The following CYB561D2 variants were observed in gnomAD, a reference collection of about 807,000 sequenced individuals.
CYB561D2 encodes transmembrane reductase CYB561D2.
A neutral mutation model predicts 20.2 loss-of-function variants in CYB561D2; 16 were observed. The observed-to-expected ratio is 0.79, with a 90% confidence interval of 0.53 to 1.20. The LOEUF is 1.20. Ranked by LOEUF, CYB561D2 falls within the 50% of genes most tolerant of loss-of-function variation. The pLI, the probability that CYB561D2 is intolerant of heterozygous loss-of-function variation, is 0.00. For synonymous variants in CYB561D2, 135 were observed against 128.3 expected, an observed-to-expected ratio of 1.05 and a Z score of -0.35; for missense variants, 247 against 270.3, an observed-to-expected ratio of 0.91 and a Z score of 0.60.
At chr3:50,351,297 T>C (rs1703752490) in intron 1 of CYB561D2, 112 bp from the exon 2 acceptor site, 1 of 1,235,786 alleles carries the variant, frequency 8.1e-7, no homozygotes, top group African/African-American at 1.5e-5. Flanking sequence ...GTACTGTTCT[T>C]TCCTACCATA....
At chr3:50,351,062 G>T in intron 1 of CYB561D2, 78 bp downstream of exon 1, 1 of 496,712 alleles carries the variant, frequency 2.0e-6, no homozygotes, top group Non-Finnish European at 3.3e-6. Context: ...CGCTGTAACT[G>T]GGACCGCAGC....
chr3:50,353,319 C>G lies in CYB561D2; in HGVS notation c.244C>G (p.Arg82Gly). Residue 82 changes from arginine (R) to glycine (G), a missense_variant, in exon 4 of 4, where the codon CGA (arginine) becomes GGA (glycine). Physicochemically the swap from Arg to Gly is moderately radical, Grantham distance 125. Transcript: ENST00000425346. ...SLLHSLSRKG[R>G]ARCHWVLQLL... is the part of the protein sequence containing the mutation. ...GCTGCACTCCCTCTCACGGAAAGGC[C>G]GAGCACGCTGCCACTGGGTGCTGCA... 6.2e-7 allele frequency: 1 copy of G among 1,609,818 alleles called. No homozygotes were observed. Among genetic ancestry groups the G allele is most frequent in the Non-Finnish European group, 8.5e-7 (1 of 1,176,896 alleles).
intron 3 of CYB561D2, among the ~76,000 whole-genome samples, chr3:50,352,684 CAAAAAA>C (rs59516380): frequency 1.8e-4 from 8 of 45,706 alleles, no homozygotes; most frequent in African/African-American, 2.5e-4. Flanking sequence ...AGACTATCTC[CAAAAAA>C]AAAAAAAAAA....
At chr3:50,352,518 C>A (rs1409839177) in intron 3 of CYB561D2, among the ~76,000 whole-genome samples, 66 of 145,900 alleles carry the variant, frequency 4.5e-4, no homozygotes, top group East Asian at 4.0e-4. Flanking sequence ...AACAAAAAAA[C>A]CCCCCAAAAA....
Position 50,353,801 on chromosome 3 carries a change from A to G in CYB561D2, c.*57A>G. Reference sequence around the variant, plus strand: ...GCCCCTCCATGTAGGAGCTGGGCCTAGGGACCTGTTGAACTCTCTCAGCTG... The same window carrying G: ...GCCCCTCCATGTAGGAGCTGGGCCTGGGGACCTGTTGAACTCTCTCAGCTG... On this transcript the variant is annotated 3_prime_UTR_variant, in exon 4 of 4. Transcript: ENST00000425346. The G allele has an allele frequency of 6.5e-7, 1 of 1,534,396 alleles. No homozygotes were observed. Among genetic ancestry groups the G allele is most frequent in the South Asian group, 1.2e-5 (1 of 81,052 alleles).
chr3:50,351,447 C>T lies in CYB561D2; in HGVS notation c.14C>T (p.Ala5Val). Residue 5 changes from alanine to valine, a missense_variant, in exon 2 of 4, where the codon GCG becomes GTG. By Grantham distance (64) the Ala-to-Val change is moderately conservative. Coordinates refer to ENST00000425346, the MANE Select transcript of CYB561D2 (RefSeq NM_001291284.2). MALS[A>V]ETESHIYRAL... ...GCACGGCTGACGATGGCCCTTTCTG[C>T]GGAGACCGAGTCACACATCTACCGA... is the stretch of plus-strand genomic sequence containing the variant. 6.2e-7 allele frequency: 1 copy of T among 1,613,552 alleles called. No individual in the cohort carries two copies.
In CYB561D2 at chr3:50,353,348, G is replaced by A; in HGVS notation, c.273G>A (p.Leu91=). The change falls in exon 4 of 4, where the codon CTG becomes CTA. Residue 91 remains leucine (L), a synonymous_variant. Coordinates refer to ENST00000425346, the MANE Select transcript of CYB561D2 (RefSeq NM_001291284.2). ...GRARCHWVLQ[L]LALLCALLGL... ...CACGCTGCCACTGGGTGCTGCAGCT[G>A]CTGGCCCTGCTGTGTGCACTGCTGG... 6.2e-7 allele frequency: 1 copy of A among 1,613,066 alleles called. No homozygotes were observed. Among genetic ancestry groups the A allele is most frequent in the South Asian group, 1.1e-5 (1 of 91,066 alleles).
At chr3:50,351,352 C>G in intron 1 of CYB561D2, 57 bp from the exon 2 acceptor site, 1 of 1,542,400 alleles carries the variant, frequency 6.5e-7, no homozygotes. Flanking sequence ...GCCTTTTCTC[C>G]AGTGAGGAGT....
At chr3:50,352,073 A>AG in intron 3 of CYB561D2, 27 bp downstream of exon 3, 2 of 1,613,320 alleles carry the variant, frequency 1.2e-6, no homozygotes, top group Middle Eastern at 1.7e-4. Flanking sequence ...GGCAGTTCTT[A>AG]GGGGTGGGAG....
In CYB561D2 at chr3:50,350,988, A is replaced by C; in HGVS notation, c.-26+4A>C. The C allele has an allele frequency of 8.9e-7, 1 of 1,117,438 alleles. No homozygotes were observed. Among genetic ancestry groups the C allele is most frequent in the Non-Finnish European group, 1.2e-6 (1 of 858,568 alleles). 69.2% of individuals were successfully genotyped at this position (1,117,438 alleles called of 1,614,324 possible). Reference sequence around the variant, plus strand: ...ATCTGCGCTGCGGCAGAGGCAGGCAAGTCCCTAGCGTGGAGGGGCAGCATG... The same window carrying C: ...ATCTGCGCTGCGGCAGAGGCAGGCACGTCCCTAGCGTGGAGGGGCAGCATG... On this transcript the variant is annotated splice_donor_region_variant and intron_variant, in intron 1 of 3. Transcript: ENST00000425346. The surrounding 1 kb of genome is among the most constrained non-coding windows in gnomAD (Gnocchi z 5.7).
chr3:50,353,930 C>T lies in CYB561D2; in HGVS notation c.*186C>T. 1.5e-6 allele frequency: 1 copy of T among 658,314 alleles called. No homozygotes were observed. The highest frequency in any genetic ancestry group is 2.5e-6 in the Non-Finnish European group (1 of 396,558). 40.8% of individuals were successfully genotyped at this position (658,314 alleles called of 1,614,324 possible). ...TGCCTCCCATTTCCTTCCCCTTTCT[C>T]TGTCATCCCAGAGGAACATAGGCAT... On this transcript the variant is annotated 3_prime_UTR_variant, in exon 4 of 4. Transcript: ENST00000425346.
Position 50,353,907 on chromosome 3 carries a change from C to A in CYB561D2, c.*163C>A. The stretch of plus-strand genomic sequence containing the variant: ...AATTCCTGCTCCTCATGCTGGAGTG[C>A]CTCCCATTTCCTTCCCCTTTCTCTG... On this transcript the variant is annotated 3_prime_UTR_variant, in exon 4 of 4. Transcript: ENST00000425346. 2 of 729,860 alleles carry A rather than the reference C, an allele frequency of 2.7e-6. No individual in the cohort carries two copies. Among genetic ancestry groups the A allele is most frequent in the Non-Finnish European group, 4.4e-6 (2 of 458,068 alleles). The allele number at this position is 729,860 out of a possible 1,614,324, so 45.2% of individuals were successfully genotyped here. A position where few individuals can be genotyped will look rare whatever the true frequency, so the allele number is the denominator to read the frequency against.
rs757432382 is a variant in CYB561D2 at position 50,353,440 on chromosome 3, AGGCAGGGCTGCTGGCTGTGCTGTG to A, written c.377_400del (p.Leu126_Leu133del). 42 of 1,613,200 alleles carry A rather than the reference AGGCAGGGCTGCTGGCTGTGCTGTG, an allele frequency of 2.6e-5. No homozygotes were observed. The highest frequency in any genetic ancestry group is 3.6e-5 in the Non-Finnish European group (42 of 1,180,012). ...GCCCACCTGGTTACGCGGCATGGGC[AGGCAGGGCTGCTGGCTGTGCTGTG>A]GGCAGGGCTGCAGTGCTCAGGTGGG... On this transcript the variant is annotated inframe_deletion, in exon 4 of 4. Coordinates refer to ENST00000425346, the MANE Select transcript of CYB561D2 (RefSeq NM_001291284.2).
intron 2 of CYB561D2, 142 bp downstream of exon 2, chr3:50,351,702 A>T: frequency 8.0e-7 from 1 of 1,251,910 alleles, no homozygotes; most frequent in South Asian, 1.5e-5. Context: ...GCAGGTAGGT[A>T]TGGCCAGGGC....
At position 50,350,994 on chromosome 3, in the gene CYB561D2, T is replaced by A; in HGVS notation, c.-26+10T>A. The A allele has an allele frequency of 9.8e-7, 1 of 1,016,752 alleles. No homozygotes were observed. The highest frequency in any genetic ancestry group is 1.3e-6 in the Non-Finnish European group (1 of 772,882). The allele number at this position is 1,016,752 out of a possible 1,614,324, so 63.0% of individuals were successfully genotyped here. ...GCTGCGGCAGAGGCAGGCAAGTCCCTAGCGTGGAGGGGCAGCATGCTGGCA... is the reference window on the plus strand; with the variant it reads ...GCTGCGGCAGAGGCAGGCAAGTCCCAAGCGTGGAGGGGCAGCATGCTGGCA... On this transcript the variant is annotated intron_variant, in intron 1 of 3. Coordinates refer to ENST00000425346, the MANE Select transcript of CYB561D2 (RefSeq NM_001291284.2). This position sits in a 1 kb window ranked among gnomAD's most constrained non-coding sequence, Gnocchi z 5.7.
At chr3:50,351,648 G>A (rs774155550) in intron 2 of CYB561D2, 88 bp downstream of exon 2, 21 of 1,527,068 alleles carry the variant, frequency 1.4e-5, no homozygotes, top group Non-Finnish European at 1.7e-5. Context: ...GAACAGGCCT[G>A]GCTGGTTGAG....
rs587597275 is a variant in CYB561D2 at position 50,352,139 on chromosome 3, CTG to C, written c.165+95_165+96del. 5.5e-5 allele frequency: 81 copies of C among 1,462,550 alleles called. No individual in the cohort carries two copies. The African/African-American group carries it at 8.8e-4, about 16-fold the overall frequency. The allele number at this position is 1,462,550 out of a possible 1,614,324, so 90.6% of individuals were successfully genotyped here. On this transcript the variant is annotated intron_variant, in intron 3 of 3. Transcript: ENST00000425346. ...CTGAATCTTTGTCCACATTTAATAT[CTG>C]TTTGGAAGAGTTGCATGCTCCAACT... is the stretch of plus-strand genomic sequence containing the variant.
rs1302032090 is a variant in CYB561D2 at position 50,350,992 on chromosome 3, C to T, written c.-26+8C>T. The T allele has an allele frequency of 3.7e-6, 4 of 1,082,040 alleles. No homozygotes were observed. The highest frequency in any genetic ancestry group is 3.5e-4 in the Middle Eastern group (1 of 2,884). 67.0% of individuals were successfully genotyped at this position (1,082,040 alleles called of 1,614,324 possible). On this transcript the variant is annotated splice_region_variant and intron_variant, in intron 1 of 3. Coordinates refer to ENST00000425346, the MANE Select transcript of CYB561D2 (RefSeq NM_001291284.2). This position sits in a 1 kb window ranked among gnomAD's most constrained non-coding sequence, Gnocchi z 5.7. ...GCGCTGCGGCAGAGGCAGGCAAGTC[C>T]CTAGCGTGGAGGGGCAGCATGCTGG...
intron 1 of CYB561D2, 198 bp from the exon 2 acceptor site, chr3:50,351,211 G>C: frequency 1.7e-6 from 1 of 600,070 alleles, no homozygotes; most frequent in Non-Finnish European, 2.8e-6. Context: ...ATTGGTACCA[G>C]TTCAGACATG....
Sources: gnomAD v4.1 joint callset for allele counts (sites outside exome capture counted in the v4.1 genomes callset) on GRCh38, gnomAD v4.1.1 for gene constraint, Gnocchi (gnomAD v3.1) non-coding constraint, MANE v1.5 for transcripts, NCBI Gene and HGNC (gene_info 2026-07-23, HGNC 2026-07-21) for gene names.